Variants in MAST2 observed in about 807,000 individuals in gnomAD.
MAST2 encodes the protein microtubule-associated serine/threonine-protein kinase 2.
MAST2 carries 70 observed loss-of-function variants against 147.4 expected under a neutral mutation model. That is an observed-to-expected ratio of 0.47 (90% CI 0.39 to 0.58). MAST2 has a LOEUF of 0.58. Ranked by LOEUF, MAST2 falls within the 20% of genes least tolerant of loss-of-function variation. MAST2 has a pLI of 0.00. For synonymous variants in MAST2, 869 were observed against 896.8 expected, an observed-to-expected ratio of 0.97 and a Z score of 0.55; for missense variants, 2,080 against 2,302.3, an observed-to-expected ratio of 0.90 and a Z score of 1.98.
At chr1:45,991,834 T>C (rs1644865190) in intron 5 of MAST2, among the ~76,000 whole-genome samples, 1 of 152,206 alleles carries the variant, frequency 6.6e-6, no homozygotes, top group African/African-American at 2.4e-5. Context: ...TATTTCCTCC[T>C]TCCCAATGTA....
intron 10 of MAST2, among the ~76,000 whole-genome samples, chr1:46,013,178 G>A (rs1235885532): frequency 4.6e-5 from 7 of 152,088 alleles, no homozygotes; most frequent in Admixed American, 2.6e-4. Context: ...CTTCACAACC[G>A]TGTAAGAAAG....
chr1:45,937,354 C>T (rs1347600678), intron 4 of MAST2, among the ~76,000 whole-genome samples: 1 of 151,830 alleles, frequency 6.6e-6, no homozygotes, highest in Non-Finnish European at 1.5e-5. Context: ...TGATCTCAAA[C>T]TCCTGGGCCC....
At chr1:45,853,643 T>A (rs1645694665) in intron 3 of MAST2, among the ~76,000 whole-genome samples, 1 of 152,212 alleles carries the variant, frequency 6.6e-6, no homozygotes, top group Non-Finnish European at 1.5e-5. Context: ...CGTGAGCCAC[T>A]GTGCCCATCC....
intron 5 of MAST2, among the ~76,000 whole-genome samples, chr1:45,996,425 T>C (rs901830805): frequency 8.5e-5 from 13 of 152,180 alleles, no homozygotes; most frequent in Non-Finnish European, 1.6e-4. Context: ...TATTAAGTCC[T>C]GGCTAAGGAA....
intron 5 of MAST2, among the ~76,000 whole-genome samples, chr1:45,967,560 C>T (rs1661414797): frequency 6.6e-6 from 1 of 152,154 alleles, no homozygotes; most frequent in Non-Finnish European, 1.5e-5. Context: ...AATATACTTA[C>T]TGTTCATTAA....
chr1:46,035,064 A>C lies in MAST2; in HGVS notation c.4395A>C (p.Pro1465=). 6.2e-7 allele frequency: 1 copy of C among 1,613,794 alleles called. No individual in the cohort carries two copies. Among genetic ancestry groups the C allele is most frequent in the Non-Finnish European group, 8.5e-7 (1 of 1,179,968 alleles). The change falls in exon 29 of 29, where the codon CCA becomes CCC. Residue 1465 remains proline, a synonymous_variant. Transcript: ENST00000361297. This position sits in a 1 kb window ranked among gnomAD's most constrained non-coding sequence, Gnocchi z 5.5. ...RSVLSGKGAL[P]GKGVLQPAPS... ...TGCTGTCTGGCAAGGGGGCCCTGCCAGGGAAGGGGGTGCTGCAGCCTGCTC... is the reference window on the plus strand; with the variant it reads ...TGCTGTCTGGCAAGGGGGCCCTGCCCGGGAAGGGGGTGCTGCAGCCTGCTC...
chr1:45,914,387 T>C (rs1652143061), intron 4 of MAST2, among the ~76,000 whole-genome samples: 1 of 152,180 alleles, frequency 6.6e-6, no homozygotes, highest in Non-Finnish European at 1.5e-5. Context: ...AAATAAACTT[T>C]ATTAGGTGAG....
At chr1:45,809,812 G>C (rs1411027020) in intron 1 of MAST2, among the ~76,000 whole-genome samples, 1 of 152,184 alleles carries the variant, frequency 6.6e-6, no homozygotes, top group Admixed American at 6.5e-5. Context: ...AAAAGTGAAA[G>C]CTTAGGTTCC....
At chr1:45,859,138 T>C (rs1570405941) in intron 3 of MAST2, among the ~76,000 whole-genome samples, 1 of 152,250 alleles carries the variant, frequency 6.6e-6, no homozygotes, top group Non-Finnish European at 1.5e-5. Context: ...TTTTTCCAAT[T>C]CTGTGAAGAA....
chr1:46,032,223 C>G lies in MAST2; in HGVS notation c.3233C>G (p.Ser1078Cys). The change falls in exon 25 of 29, where the codon TCT becomes TGT. Residue 1078 changes from serine to cysteine, a missense_variant. By Grantham distance (112) the Ser-to-Cys change is moderately radical. Transcript: ENST00000361297. ...TTGGCCAGCCCCATGTCCCCACATT[C>G]TCAGTCGTCCAACCCATCATCCCGG... ...SPLASPMSPH[S>C]QSSNPSSRDS... 1 of 1,614,228 alleles carries G rather than the reference C, an allele frequency of 6.2e-7. No homozygotes were observed. The highest frequency in any genetic ancestry group is 8.5e-7 in the Non-Finnish European group (1 of 1,180,048).
chr1:45,948,306 A>G (rs944106369), intron 4 of MAST2, among the ~76,000 whole-genome samples: 14 of 152,232 alleles, frequency 9.2e-5, no homozygotes, highest in Non-Finnish European at 1.3e-4. Context: ...GGAAGAATCA[A>G]TATCATTAAA....
chr1:45,811,899 G>C (rs941742326), intron 1 of MAST2, among the ~76,000 whole-genome samples: 4 of 152,134 alleles, frequency 2.6e-5, no homozygotes, highest in African/African-American at 9.7e-5. Context: ...CTCCCAAAGT[G>C]CTAGGATTAC....
At chr1:45,851,948 C>T (rs1278349563) in intron 3 of MAST2, among the ~76,000 whole-genome samples, 2 of 151,858 alleles carry the variant, frequency 1.3e-5, no homozygotes, top group Non-Finnish European at 1.5e-5. Flanking sequence ...ATAGGAATTT[C>T]CTTTTTTTTC....
At chr1:45,926,294 A>C (rs904435989) in intron 4 of MAST2, among the ~76,000 whole-genome samples, 2 of 152,172 alleles carry the variant, frequency 1.3e-5, no homozygotes, top group African/African-American at 4.8e-5. Context: ...GGGCTGCTAG[A>C]CTGGTTATTT....
intron 4 of MAST2, among the ~76,000 whole-genome samples, chr1:45,896,656 G>A (rs1189943294): frequency 1.3e-5 from 2 of 152,190 alleles, no homozygotes; most frequent in Non-Finnish European, 2.9e-5. Context: ...TCAGAGGCCT[G>A]CCCCTGAGGC....
At chr1:46,019,839 G>C in intron 11 of MAST2, 142 bp downstream of exon 11, 1 of 721,942 alleles carries the variant, frequency 1.4e-6, no homozygotes, top group Non-Finnish European at 2.3e-6. Context: ...TGCCACCATT[G>C]GGGGACTAAA....
intron 3 of MAST2, among the ~76,000 whole-genome samples, chr1:45,850,543 A>AGTTT (rs938098063): frequency 1.6e-5 from 2 of 126,388 alleles, no homozygotes; most frequent in African/African-American, 2.9e-5. Flanking sequence ...GGTGTTTCCT[A>AGTTT]GTTTGTTTGT....
intron 5 of MAST2, among the ~76,000 whole-genome samples, chr1:45,987,777 A>ATTTTTTTTTTTTTTTTTTTTTTTTGTTT (rs1644700933): frequency 3.2e-4 from 7 of 21,782 alleles, no homozygotes; most frequent in African/African-American, 1.3e-3. Context: ...TTTTTTTTTG[A>ATTTTTTTTTTTTTTTTTTTTTTTTGTTT]TTTTTTTTTT....
chr1:45,829,298 T>G (rs1644882540), intron 2 of MAST2, 141 bp from the exon 3 acceptor site: 2 of 716,470 alleles, frequency 2.8e-6, no homozygotes, highest in Admixed American at 3.4e-5. Flanking sequence ...GTTGGAAATT[T>G]TAATAGATTC....
Sources: allele counts gnomAD v4.1 joint callset (sites outside exome capture counted in the v4.1 genomes callset), GRCh38; gene constraint gnomAD v4.1.1; non-coding constraint Gnocchi (gnomAD v3.1); transcripts MANE v1.5; gene names NCBI Gene and HGNC (gene_info 2026-07-23, HGNC 2026-07-21).